The following INPP4A variants were observed in gnomAD, a reference collection of about 807,000 sequenced individuals.
INPP4A encodes the protein inositol polyphosphate-4-phosphatase type I A.
INPP4A carries 33 observed loss-of-function variants against 119.8 expected under a neutral mutation model. The ratio of observed to expected loss-of-function variants is 0.28; its 90% CI spans 0.21 to 0.37. The LOEUF is 0.37. Ranked by LOEUF, INPP4A falls within the 10% of genes least tolerant of loss-of-function variation. The probability of loss-of-function intolerance (pLI) is 1.00; values close to 1 mark genes in which losing one functional copy is unlikely to be tolerated. For missense variants in INPP4A, 956 were observed against 1,289.9 expected (o/e 0.74, Z 3.97); for synonymous variants, 496 against 500.7 (o/e 0.99, Z 0.12).
chr2:98,547,025 TA>T (rs1692601785), intron 13 of INPP4A, among the ~76,000 whole-genome samples: 1 of 152,200 alleles, frequency 6.6e-6, no homozygotes, highest in Non-Finnish European at 1.5e-5. Context: ...TTGAGCACCA[TA>T]GGCATCGAGC....
At chr2:98,580,145 G>T (rs185867589) in intron 24 of INPP4A, among the ~76,000 whole-genome samples, 1 of 152,216 alleles carries the variant, frequency 6.6e-6, no homozygotes, top group Admixed American at 6.5e-5. Context: ...GAGGGCCCCA[G>T]AAGGCAGCAT....
At chr2:98,550,943 A>G (rs1421809751) in intron 13 of INPP4A, among the ~76,000 whole-genome samples, 1 of 151,874 alleles carries the variant, frequency 6.6e-6, no homozygotes, top group Admixed American at 6.6e-5. Flanking sequence ...GGGGCCTGGG[A>G]AGAATCCTTT....
At chr2:98,508,614 A>G (rs958268978) in intron 1 of INPP4A, among the ~76,000 whole-genome samples, 1 of 152,172 alleles carries the variant, frequency 6.6e-6, no homozygotes, top group African/African-American at 2.4e-5. Context: ...CCTTTCATAC[A>G]CTTATTCAGA....
At chr2:98,559,437 C>T (rs1695061781) in intron 16 of INPP4A, 26 bp from the exon 17 acceptor site, 2 of 1,613,810 alleles carry the variant, frequency 1.2e-6, no homozygotes, top group South Asian at 1.1e-5. Context: ...CCTTAATCAT[C>T]CATGTCGCCC....
chr2:98,584,747 A>G (rs1030598313), intron 24 of INPP4A, among the ~76,000 whole-genome samples: 5 of 152,266 alleles, frequency 3.3e-5, no homozygotes, highest in Admixed American at 2.0e-4. Context: ...AGATTAGCCT[A>G]GGTGGTGGGT....
At chr2:98,490,488 A>C (rs1279600150) in intron 1 of INPP4A, among the ~76,000 whole-genome samples, 1 of 152,080 alleles carries the variant, frequency 6.6e-6, no homozygotes, top group African/African-American at 2.4e-5. Context: ...GAGGTACCTC[A>C]AGTCCCTGCA....
intron 1 of INPP4A, among the ~76,000 whole-genome samples, chr2:98,448,411 A>C (rs1043722376): frequency 1.3e-5 from 2 of 151,680 alleles, no homozygotes; most frequent in Non-Finnish European, 2.9e-5. Context: ...TATTTAGTGT[A>C]CAGGTCGTAT....
At chr2:98,583,894 A>G (rs893081193) in intron 24 of INPP4A, among the ~76,000 whole-genome samples, 11 of 152,192 alleles carry the variant, frequency 7.2e-5, no homozygotes, top group Admixed American at 7.2e-4. Flanking sequence ...AACACTTTAC[A>G]TCCTAAAATG....
chr2:98,511,810 C>G (rs1467038027), intron 1 of INPP4A, among the ~76,000 whole-genome samples: 3 of 152,178 alleles, frequency 2.0e-5, no homozygotes, highest in African/African-American at 7.2e-5. Context: ...GCCTGGGCTC[C>G]CCTCCCCCAT....
chr2:98,513,819 A>G (rs1330182338), intron 1 of INPP4A, among the ~76,000 whole-genome samples: 1 of 152,118 alleles, frequency 6.6e-6, no homozygotes, highest in Non-Finnish European at 1.5e-5. Flanking sequence ...TGGCCCATTC[A>G]GTTTATGGCA....
chr2:98,502,888 T>C (rs1262789923), intron 1 of INPP4A, among the ~76,000 whole-genome samples: 2 of 152,166 alleles, frequency 1.3e-5, no homozygotes, highest in Non-Finnish European at 2.9e-5. Context: ...GTGGTTTTAG[T>C]TTCTTTTGTT....
chr2:98,468,565 C>G (rs940325520), intron 1 of INPP4A, among the ~76,000 whole-genome samples: 6 of 151,826 alleles, frequency 4.0e-5, no homozygotes, highest in African/African-American at 1.5e-4. Flanking sequence ...TAAGGTGCCA[C>G]TAGGGGAGGG....
intron 1 of INPP4A, among the ~76,000 whole-genome samples, chr2:98,471,151 A>G (rs1369211498): frequency 6.6e-6 from 1 of 152,154 alleles, no homozygotes; most frequent in East Asian, 1.9e-4. Flanking sequence ...TCCTGTGTAT[A>G]TGAGTGTGCG....
intron 6 of INPP4A, 95 bp downstream of exon 6, chr2:98,535,940 C>T (rs1156304928): frequency 4.0e-6 from 3 of 744,618 alleles, no homozygotes; most frequent in Admixed American, 2.3e-5. Context: ...GACTTCACTA[C>T]TGGCTCACAA....
chr2:98,483,328 A>G (rs1678861146), intron 1 of INPP4A, among the ~76,000 whole-genome samples: 1 of 152,286 alleles, frequency 6.6e-6, no homozygotes, highest in Admixed American at 6.5e-5. Context: ...TTTTCGTGCT[A>G]GGAGACAGGA....
At chr2:98,555,907 A>G (rs1694401646) in intron 16 of INPP4A, 99 bp downstream of exon 16, 1 of 1,393,828 alleles carries the variant, frequency 7.2e-7, no homozygotes, top group Non-Finnish European at 9.7e-7. Context: ...TCCCCCATGC[A>G]GACTGCAGGG....
rs763302731 is a variant in INPP4A at position 98,554,443 on chromosome 2, G to A, written c.1520G>A (p.Arg507Lys). The A allele has an allele frequency of 1.8e-5, 29 of 1,613,910 alleles. No individual in the cohort carries two copies. Among genetic ancestry groups the A allele is most frequent in the Non-Finnish European group, 2.4e-5 (28 of 1,179,870 alleles). The change falls in exon 15 of 25, where the codon AGA becomes AAA. Residue 507 changes from arginine (R) to lysine (K), a missense_variant. Around this residue, in one of 2 missense-constraint regions of INPP4A, gnomAD observed 652 missense variants for 797.9 expected, o/e 0.82. Coordinates refer to ENST00000409851, the MANE Select transcript of INPP4A (RefSeq NM_001134225.2). This position sits in a 1 kb window ranked among gnomAD's most constrained non-coding sequence, Gnocchi z 4.7. ...QDTLMARWTG[R>K]NSRSSLQVDW... ...ACCCTCATGGCCCGGTGGACAGGGA[G>A]AAACAGCCGATCTTCCCTGCAGGTG...
rs1470126161 is a variant in INPP4A at position 98,589,435 on chromosome 2, C to T, written c.*1827C>T. 1 of 182,324 alleles carries T rather than the reference C, an allele frequency of 5.5e-6. No individual in the cohort carries two copies. Among genetic ancestry groups the T allele is most frequent in the East Asian group, 9.0e-5 (1 of 11,172 alleles). The allele number at this position is 182,324 out of a possible 1,614,324, so 11.3% of individuals were successfully genotyped here. ...CCTTGCTTTTTAAAAATAAATATTA[C>T]CCACATAGTTTTCAGATCTTTTTTG... On this transcript the variant is annotated 3_prime_UTR_variant, in exon 25 of 25. Coordinates refer to ENST00000409851, the MANE Select transcript of INPP4A (RefSeq NM_001134225.2).
At chr2:98,465,872 G>T (rs545416727) in intron 1 of INPP4A, among the ~76,000 whole-genome samples, 1 of 152,094 alleles carries the variant, frequency 6.6e-6, no homozygotes, top group Non-Finnish European at 1.5e-5. Flanking sequence ...TTGAGCAGAC[G>T]GTGGCTTGGG....
Sources: allele counts gnomAD v4.1 joint callset (sites outside exome capture counted in the v4.1 genomes callset), GRCh38; gene constraint gnomAD v4.1.1; regional missense constraint gnomAD v4.1.1; non-coding constraint Gnocchi (gnomAD v3.1); transcripts MANE v1.5; gene names NCBI Gene and HGNC (gene_info 2026-07-23, HGNC 2026-07-21).